The following RAB11FIP3 variants were observed in gnomAD, a reference collection of about 807,000 sequenced individuals.
RAB11FIP3 encodes rab11 family-interacting protein 3.
Under a neutral mutation model 77.8 loss-of-function variants are expected in RAB11FIP3, and 17 were observed. The ratio of observed to expected loss-of-function variants is 0.22; its 90% CI spans 0.15 to 0.33. RAB11FIP3 has a LOEUF of 0.33. RAB11FIP3 is among the 10% of genes least tolerant of loss of function. The pLI is 1.00. For missense variants in RAB11FIP3, 1,005 were observed against 1,011.2 expected, an observed-to-expected ratio of 0.99 and a Z score of 0.08; for synonymous variants, 437 against 448.2, an observed-to-expected ratio of 0.98 and a Z score of 0.31.
chr16:471,387 G>C lies in RAB11FIP3; in HGVS notation c.901G>C (p.Glu301Gln). 1 of 1,608,400 alleles carries C rather than the reference G, an allele frequency of 6.2e-7. No individual in the cohort carries two copies. The highest frequency in any genetic ancestry group is 8.5e-7 in the Non-Finnish European group (1 of 1,176,030). The stretch of plus-strand genomic sequence containing the variant: ...CGAGTTCGATGACTTCGTCACCTAT[G>C]AGGCAAGTGGTTTTCACCCAGGAGC... Reference protein sequence around the residue: ...PDEFDDFVTYEANEVTDSAYM... With the variant: ...PDEFDDFVTYQANEVTDSAYM... The change falls in exon 3 of 14, where the codon GAG becomes CAG. Residue 301 changes from glutamate (E) to glutamine (Q), a missense_variant and splice_region_variant. Physicochemically the swap from Glu to Gln is conservative, Grantham distance 29. Coordinates refer to ENST00000262305, the MANE Select transcript of RAB11FIP3 (RefSeq NM_014700.4). This position sits in a 1 kb window ranked among gnomAD's most constrained non-coding sequence, Gnocchi z 4.4.
chr16:503,401 G>C lies in RAB11FIP3; in HGVS notation c.1395+304G>C, dbSNP rs7188353. Among the ~76,000 whole-genome samples, 4 of 152,284 alleles carry C rather than the reference G, an allele frequency of 2.6e-5. No individual in the cohort carries two copies. In the East Asian group the frequency reaches 7.7e-4, roughly 29 times the overall value. ...ACCCCCACTGTGTCTGAGTCGGGCT[G>C]GGGGACACCCAGACATTCAGTCCAC... On this transcript the variant is annotated intron_variant, in intron 7 of 13. Coordinates refer to ENST00000262305, the MANE Select transcript of RAB11FIP3 (RefSeq NM_014700.4).
At chr16:500,160 G>T (rs1035080520) in intron 6 of RAB11FIP3, among the ~76,000 whole-genome samples, 55 of 152,292 alleles carry the variant, frequency 3.6e-4, no homozygotes, top group African/African-American at 1.3e-3. Context: ...GGGGGCTCCG[G>T]GCAGAGCCGA....
rs571272893 is a variant in RAB11FIP3 at position 462,226 on chromosome 16, CT to C, written c.808+737del. Among the ~76,000 whole-genome samples, 873 of 152,044 alleles carry C rather than the reference CT, an allele frequency of 5.7e-3. 9 individuals are homozygous for C. The highest frequency in any genetic ancestry group is 0.02 in the African/African-American group (830 of 41,456). On this transcript the variant is annotated intron_variant, in intron 2 of 13. Coordinates refer to ENST00000262305, the MANE Select transcript of RAB11FIP3 (RefSeq NM_014700.4). ...CCATGGATTAGTTTTGCCTATCTCT[CT>C]TTTTTTTCTTTGAGACTGAGTTTCA...
chr16:455,154 A>G (rs1367879848), intron 1 of RAB11FIP3, among the ~76,000 whole-genome samples: 8 of 149,400 alleles, frequency 5.4e-5, no homozygotes, highest in African/African-American at 1.7e-4. Context: ...CTATACAGTG[A>G]TATGTAAAAA....
chr16:516,062 C>G (rs1481951730), intron 9 of RAB11FIP3, among the ~76,000 whole-genome samples: 1 of 152,240 alleles, frequency 6.6e-6, no homozygotes. Context: ...CGTGGCCTCC[C>G]CGGCAGTGCA....
At chr16:477,029 T>G (rs2055924935) in intron 3 of RAB11FIP3, among the ~76,000 whole-genome samples, 2 of 147,122 alleles carry the variant, frequency 1.4e-5, no homozygotes, top group Admixed American at 6.9e-5. Context: ...GAGGCTGCAG[T>G]GAGCTGAGGT....
intron 2 of RAB11FIP3, among the ~76,000 whole-genome samples, chr16:465,322 C>T (rs9933313): frequency 0.056 from 8,533 of 152,052 alleles, 401 homozygotes; most frequent in East Asian, 0.17. Flanking sequence ...AAGCACAAGA[C>T]CCCAGGAGGC....
chr16:507,112 C>A lies in RAB11FIP3; in HGVS notation c.1499+1485C>A. ...TACAGGTGTGCACCACCACACCCAG[C>A]TTTTTTTTTTTTTTTTTTGAGACGG... On this transcript the variant is annotated intron_variant, in intron 8 of 13. Coordinates refer to ENST00000262305, the MANE Select transcript of RAB11FIP3 (RefSeq NM_014700.4). The surrounding 1 kb of genome is among the most constrained non-coding windows in gnomAD (Gnocchi z 4.6). Among the ~76,000 whole-genome samples, 1 of 136,530 alleles carries A rather than the reference C, an allele frequency of 7.3e-6. No homozygotes were observed. The highest frequency in any genetic ancestry group is 2.7e-5 in the African/African-American group (1 of 36,572). 89.6% of individuals were successfully genotyped at this position (136,530 alleles called of 152,430 possible).
At chr16:441,564 C>G (rs1257854034) in intron 1 of RAB11FIP3, among the ~76,000 whole-genome samples, 1 of 152,194 alleles carries the variant, frequency 6.6e-6, no homozygotes, top group Non-Finnish European at 1.5e-5. Flanking sequence ...ATGCTGGGTA[C>G]TCTGTCGTTG....
intron 1 of RAB11FIP3, among the ~76,000 whole-genome samples, chr16:459,646 A>C (rs900967669): frequency 9.2e-5 from 14 of 151,804 alleles, no homozygotes; most frequent in Non-Finnish European, 1.5e-4. Context: ...CATGTTGGCC[A>C]GGCTGGTCTG....
In RAB11FIP3 at chr16:489,189, C is replaced by A. The variant is rs1596265267; in HGVS notation, c.1265+189C>A. The A allele has an allele frequency of 4.3e-6, 3 of 702,418 alleles. No individual in the cohort carries two copies. In the East Asian group the frequency reaches 8.4e-5, roughly 20 times the overall value. The allele number at this position is 702,418 out of a possible 1,614,324, so 43.5% of individuals were successfully genotyped here. On this transcript the variant is annotated intron_variant, in intron 5 of 13. Transcript: ENST00000262305. The stretch of plus-strand genomic sequence containing the variant: ...ATGAAAGTTGGGAGAAGTCCCTCTT[C>A]TCCAGCCACATCCCCAGATCACTCT...
chr16:440,327 C>T (rs1261516426), intron 1 of RAB11FIP3, among the ~76,000 whole-genome samples: 1 of 151,888 alleles, frequency 6.6e-6, no homozygotes, highest in African/African-American at 2.4e-5. Flanking sequence ...GATGGGGTTT[C>T]GCCATGTTTC....
chr16:520,130 G>A lies in RAB11FIP3; in HGVS notation c.1869G>A (p.Glu623=), dbSNP rs777515004. 1.3e-6 allele frequency: 2 copies of A among 1,546,000 alleles called. No individual in the cohort carries two copies. The highest frequency in any genetic ancestry group is 1.7e-6 in the Non-Finnish European group (2 of 1,147,656). Residue 623 remains glutamate (E), a synonymous_variant, in exon 12 of 14, where the codon GAG becomes GAA. Transcript: ENST00000262305. ...GCACGGTTGCCCTGCAGCTGATCGA[G>A]GACCTCCGAAAGCAGCTGGAGCACC... ...RDKEATQELI[E]DLRKQLEHLQ...
intron 9 of RAB11FIP3, among the ~76,000 whole-genome samples, chr16:515,187 C>G (rs1047345567): frequency 6.6e-6 from 1 of 152,210 alleles, no homozygotes; most frequent in African/African-American, 2.4e-5. Context: ...ATTTTCTTCT[C>G]TTTGCTTATC....
intron 2 of RAB11FIP3, among the ~76,000 whole-genome samples, chr16:470,512 A>T (rs1164054151): frequency 6.6e-6 from 1 of 152,260 alleles, no homozygotes; most frequent in Non-Finnish European, 1.5e-5. Context: ...TTTTATAAGT[A>T]GCTGGTCTAT....
At position 492,425 on chromosome 16, in the gene RAB11FIP3, C is replaced by CCCGGGAGACCCGAGGCCGTCCAGAGCCCT. The variant is rs2030511213; in HGVS notation, c.1265+3427_1265+3428insGGGAGACCCGAGGCCGTCCAGAGCCCTCC. ...GAGACCCGAGGCCGCCCAGGGCCCT[C>CCCGGGAGACCCGAGGCCGTCCAGAGCCCT]CCCGGGAGACCCGAGGCCGCCCAGG... On this transcript the variant is annotated intron_variant, in intron 5 of 13. Coordinates refer to ENST00000262305, the MANE Select transcript of RAB11FIP3 (RefSeq NM_014700.4). 8.8e-4 allele frequency among the ~76,000 whole-genome samples: 38 copies of CCCGGGAGACCCGAGGCCGTCCAGAGCCCT among 43,196 alleles called. 2 individuals are homozygous for CCCGGGAGACCCGAGGCCGTCCAGAGCCCT. Among genetic ancestry groups the CCCGGGAGACCCGAGGCCGTCCAGAGCCCT allele is most frequent in the African/African-American group, 3.0e-3 (23 of 7,716 alleles). 28.3% of individuals were successfully genotyped at this position (43,196 alleles called of 152,430 possible).
At chr16:499,540 G>A (rs1380292858) in intron 6 of RAB11FIP3, among the ~76,000 whole-genome samples, 1 of 152,198 alleles carries the variant, frequency 6.6e-6, no homozygotes, top group East Asian at 1.9e-4. Flanking sequence ...GCTCACGCCT[G>A]TAATCCCAGC....
intron 2 of RAB11FIP3, among the ~76,000 whole-genome samples, chr16:462,294 T>A (rs1305780543): frequency 6.6e-6 from 1 of 152,204 alleles, no homozygotes; most frequent in African/African-American, 2.4e-5. Flanking sequence ...CGATCTCGGC[T>A]TACTGCAACC....
At chr16:503,219 C>T in intron 7 of RAB11FIP3, 122 bp downstream of exon 7, 1 of 692,588 alleles carries the variant, frequency 1.4e-6, no homozygotes, top group South Asian at 2.0e-5. Flanking sequence ...CCATGTCCTC[C>T]AGGGCTCCCC....
Sources: allele counts gnomAD v4.1 joint callset (sites outside exome capture counted in the v4.1 genomes callset), GRCh38; gene constraint gnomAD v4.1.1; non-coding constraint Gnocchi (gnomAD v3.1); transcripts MANE v1.5; gene names NCBI Gene and HGNC (gene_info 2026-07-23, HGNC 2026-07-21).